The following CDH22 variants were observed in gnomAD, a reference collection of about 807,000 sequenced individuals.
CDH22 encodes cadherin-22.
In CDH22, 30 loss-of-function variants were observed where a neutral mutation model predicts 58.4. The observed-to-expected ratio is 0.51, with a 90% CI of 0.38 to 0.70. The LOEUF is 0.70. Ranked by LOEUF, CDH22 falls within the 30% of genes least tolerant of loss-of-function variation. CDH22 has a pLI of 0.00. For synonymous variants in CDH22, 513 were observed against 558.2 expected, an observed-to-expected ratio of 0.92 and a Z score of 1.14; for missense variants, 1,014 against 1,233.9, an observed-to-expected ratio of 0.82 and a Z score of 2.67.
intron 1 of CDH22, among the ~76,000 whole-genome samples, chr20:46,306,402 G>C (rs916298350): frequency 3.3e-4 from 50 of 152,366 alleles, no homozygotes; most frequent in Non-Finnish European, 7.1e-4. Flanking sequence ...TTAGGAATAG[G>C]GAAAGGGGTT....
intron 8 of CDH22, among the ~76,000 whole-genome samples, chr20:46,196,044 G>C (rs2085899009): frequency 6.6e-6 from 1 of 152,176 alleles, no homozygotes; most frequent in African/African-American, 2.4e-5. Context: ...GCTTTGGCAG[G>C]AGGGCATGGG....
intron 2 of CDH22, among the ~76,000 whole-genome samples, chr20:46,245,776 A>G (rs1450843080): frequency 6.6e-6 from 1 of 152,134 alleles, no homozygotes; most frequent in Non-Finnish European, 1.5e-5. Context: ...GGAACCTGAA[A>G]CACTCCAGGC....
At chr20:46,228,058 T>C (rs930797498) in intron 3 of CDH22, among the ~76,000 whole-genome samples, 2 of 152,188 alleles carry the variant, frequency 1.3e-5, no homozygotes, top group Non-Finnish European at 2.9e-5. Flanking sequence ...TCACAGTCAG[T>C]TGGAGCCAGG....
intron 1 of CDH22, among the ~76,000 whole-genome samples, chr20:46,253,696 G>C (rs972993484): frequency 1.3e-5 from 2 of 152,282 alleles, no homozygotes; most frequent in African/African-American, 2.4e-5. Flanking sequence ...CAGCTCCAAA[G>C]CCTTCATTTC....
intron 3 of CDH22, among the ~76,000 whole-genome samples, chr20:46,236,572 TTA>T (rs1211674722): frequency 1.4e-5 from 2 of 142,876 alleles, no homozygotes; most frequent in East Asian, 1.9e-4. Context: ...TAAATATATA[TTA>T]TATATAAATA....
At chr20:46,226,264 TC>T (rs1568665260) in intron 4 of CDH22, among the ~76,000 whole-genome samples, 4,764 of 126,358 alleles carry the variant, frequency 0.038, 447 homozygotes, top group African/African-American at 0.091. Flanking sequence ...TTCTTCTTCT[TC>T]TTCTTCTTCT....
intron 1 of CDH22, among the ~76,000 whole-genome samples, chr20:46,267,661 T>C (rs948993847): frequency 6.6e-6 from 1 of 152,272 alleles, no homozygotes; most frequent in Non-Finnish European, 1.5e-5. Flanking sequence ...AGTTGGACTA[T>C]TGGGCTGGGA....
intron 10 of CDH22, among the ~76,000 whole-genome samples, chr20:46,184,984 G>C (rs553991965): frequency 6.6e-6 from 1 of 152,246 alleles, no homozygotes; most frequent in African/African-American, 2.4e-5. Context: ...TACTCTGAAG[G>C]CTGAGGCAAG....
At chr20:46,190,743 A>T (rs2085857229) in intron 8 of CDH22, among the ~76,000 whole-genome samples, 1 of 152,134 alleles carries the variant, frequency 6.6e-6, no homozygotes, top group Non-Finnish European at 1.5e-5. Flanking sequence ...CCTAAATTAA[A>T]ATTAAACGTG....
chr20:46,209,827 G>GTT (rs3092332), intron 7 of CDH22: 6 of 153,402 alleles, frequency 3.9e-5, no homozygotes, highest in East Asian at 1.9e-4. Context: ...AAACTGGTGG[G>GTT]TTTTTTTTTT....
intron 7 of CDH22, among the ~76,000 whole-genome samples, chr20:46,203,764 C>T (rs1279932680): frequency 2.6e-5 from 4 of 152,030 alleles, no homozygotes; most frequent in Non-Finnish European, 5.9e-5. Flanking sequence ...TGCCTGGGGG[C>T]GGGGAGGTAA....
Position 46,253,557 on chromosome 20 carries a change from C to G in CDH22, c.-399-1864G>C, listed in dbSNP as rs112966587. On this transcript the variant is annotated intron_variant, in intron 1 of 11. Transcript: ENST00000537909. Reference sequence around the variant, plus strand: ...TTCTATGGGCCTGGGCACGAGGCTTCCCAACCCTGGCAGCCCTGCTCCGCA... The same window carrying G: ...TTCTATGGGCCTGGGCACGAGGCTTGCCAACCCTGGCAGCCCTGCTCCGCA... Among the ~76,000 whole-genome samples, 573 of 152,298 alleles carry G rather than the reference C, an allele frequency of 3.8e-3. 3 individuals carry two copies. The highest frequency in any genetic ancestry group is 7.4e-3 in the Admixed American group (113 of 15,308).
intron 4 of CDH22, among the ~76,000 whole-genome samples, chr20:46,223,661 CTTTCCT>C (rs2086143753): frequency 1.0e-4 from 13 of 126,084 alleles, no homozygotes; most frequent in African/African-American, 3.8e-4. Context: ...CTTTCTTTTT[CTTTCCT>C]TCTTTCTTTC....
At chr20:46,211,091 A>G (rs1395742580) in intron 6 of CDH22, among the ~76,000 whole-genome samples, 2 of 152,290 alleles carry the variant, frequency 1.3e-5, no homozygotes, top group Non-Finnish European at 2.9e-5. Context: ...TGAGCCCGAT[A>G]AGCCGGGCTG....
At position 46,210,296 on chromosome 20, in the gene CDH22, G is replaced by T; in HGVS notation, c.1286+11C>A. 7.1e-7 allele frequency: 1 copy of T among 1,402,426 alleles called. No homozygotes were observed. The highest frequency in any genetic ancestry group is 3.3e-5 in the Admixed American group (1 of 30,430). 86.9% of individuals were successfully genotyped at this position (1,402,426 alleles called of 1,614,324 possible). A position where few individuals can be genotyped will look rare whatever the true frequency, so the allele number is the denominator to read the frequency against. ...CAGGCAGCAGGCGTCGGCCCCGGGCGGGGGTCTCACCGGACGGGCCGGTTG... is the reference window on the plus strand; with the variant it reads ...CAGGCAGCAGGCGTCGGCCCCGGGCTGGGGTCTCACCGGACGGGCCGGTTG... On this transcript the variant is annotated intron_variant, in intron 7 of 11. Coordinates refer to ENST00000537909, the MANE Select transcript of CDH22 (RefSeq NM_021248.3). The surrounding 1 kb of genome is among the most constrained non-coding windows in gnomAD (Gnocchi z 4.5).
rs531409260 is a variant in CDH22 at position 46,175,135 on chromosome 20, GACCCTCT to G, written c.1916-65_1916-59del. 3.9e-4 allele frequency: 596 copies of G among 1,527,800 alleles called. 5 individuals carry two copies. The African/African-American group carries it at 7.5e-3, about 19-fold the overall frequency. 94.6% of individuals were successfully genotyped at this position (1,527,800 alleles called of 1,614,324 possible). On this transcript the variant is annotated intron_variant, in intron 11 of 11. Coordinates refer to ENST00000537909, the MANE Select transcript of CDH22 (RefSeq NM_021248.3). ...CAAGCCCCTCCCAGGGCATTAGAAG[GACCCTCT>G]ACCCCATCTCCTCCCGCCTCCCACC...
At chr20:46,279,558 A>G (rs1173673652) in intron 1 of CDH22, among the ~76,000 whole-genome samples, 1 of 152,262 alleles carries the variant, frequency 6.6e-6, no homozygotes, top group African/African-American at 2.4e-5. Flanking sequence ...ATCCATTTAC[A>G]TTAAAAATAC....
At chr20:46,213,329 G>A (rs561361671) in intron 5 of CDH22, 141 bp from the exon 6 acceptor site, 2 of 621,428 alleles carry the variant, frequency 3.2e-6, no homozygotes, top group South Asian at 3.9e-5. Context: ...TGGCCAGAAT[G>A]GGGGCTGGGA....
intron 1 of CDH22, among the ~76,000 whole-genome samples, chr20:46,270,262 G>C (rs1301100165): frequency 6.6e-6 from 1 of 152,164 alleles, no homozygotes; most frequent in African/African-American, 2.4e-5. Flanking sequence ...AGATGGGGAA[G>C]GAGAGAGGGA....
Sources: gnomAD v4.1 joint callset for allele counts (sites outside exome capture counted in the v4.1 genomes callset) on GRCh38, gnomAD v4.1.1 for gene constraint, Gnocchi (gnomAD v3.1) non-coding constraint, MANE v1.5 for transcripts, NCBI Gene and HGNC (gene_info 2026-07-23, HGNC 2026-07-21) for gene names.